Variants in CAMKMT observed in about 807,000 individuals in gnomAD.
The protein encoded by CAMKMT is calmodulin-lysine N-methyltransferase.
A neutral mutation model predicts 48.0 loss-of-function variants in CAMKMT; 53 were observed. The observed-to-expected ratio is 1.10, with a 90% CI of 0.89 to 1.39. The LOEUF (loss-of-function observed/expected upper bound fraction) is 1.39. Among genes scored for constraint, CAMKMT ranks in the 40% most tolerant of loss-of-function variants. The pLI is 0.00. For synonymous variants in CAMKMT, 165 were observed against 152.3 expected (o/e 1.08, Z -0.61); for missense variants, 428 against 402.7 (o/e 1.06, Z -0.54).
rs749093011 is a variant in CAMKMT at position 44,372,723 on chromosome 2, A to G, written c.146A>G (p.Lys49Arg). The G allele has an allele frequency of 6.2e-7, 1 of 1,612,084 alleles. No homozygotes were observed. The highest frequency in any genetic ancestry group is 8.5e-7 in the Non-Finnish European group (1 of 1,179,308). Residue 49 changes from lysine to arginine, a missense_variant, in exon 2 of 11, where the codon AAG becomes AGG. Coordinates refer to ENST00000378494, the MANE Select transcript of CAMKMT (RefSeq NM_024766.5). ...ARWKLLRQVL[K>R]QKHLDDCLRH... ...TTTGGCTTTATTTCAAAGGTTCTGAAGCAAAAACACCTGGATGATTGCCTG... is the reference window on the plus strand; with the variant it reads ...TTTGGCTTTATTTCAAAGGTTCTGAGGCAAAAACACCTGGATGATTGCCTG...
intron 1 of CAMKMT, among the ~76,000 whole-genome samples, chr2:44,369,393 G>A (rs980649651): frequency 6.6e-6 from 1 of 152,016 alleles, no homozygotes; most frequent in East Asian, 1.9e-4. Context: ...CTACACATAA[G>A]AATTATGCAT....
At chr2:44,574,845 A>G (rs1056337983) in intron 3 of CAMKMT, among the ~76,000 whole-genome samples, 12 of 151,804 alleles carry the variant, frequency 7.9e-5, no homozygotes, top group East Asian at 5.8e-4. Flanking sequence ...GGTTCAAGCA[A>G]TTCTCCTGCC....
rs540758971 is a variant in CAMKMT at position 44,755,666 on chromosome 2, G to A, written c.762+1548G>A. On this transcript the variant is annotated intron_variant, in intron 9 of 10. Transcript: ENST00000378494. ...TACAATAGAAAAGTGCCCAAGCTAT[G>A]AATAGACCTAAACGCAGATTAGACT... is the stretch of plus-strand genomic sequence containing the variant. Among the ~76,000 whole-genome samples, 3 of 152,260 alleles carry A rather than the reference G, an allele frequency of 2.0e-5. No individual in the cohort carries two copies. The South Asian group carries it at 6.2e-4, about 32-fold the overall frequency.
intron 3 of CAMKMT, among the ~76,000 whole-genome samples, chr2:44,668,886 A>G (rs926689204): frequency 1.3e-5 from 2 of 151,912 alleles, no homozygotes; most frequent in Admixed American, 1.3e-4. Flanking sequence ...GGTTGAAGCA[A>G]TTCTTATGCC....
At chr2:44,734,085 T>C (rs1213495182) in intron 7 of CAMKMT, among the ~76,000 whole-genome samples, 1 of 152,066 alleles carries the variant, frequency 6.6e-6, no homozygotes, top group East Asian at 1.9e-4. Context: ...CTAATCTTTA[T>C]TACTTCTTTT....
chr2:44,563,630 C>A (rs919518719), intron 3 of CAMKMT, among the ~76,000 whole-genome samples: 3 of 152,130 alleles, frequency 2.0e-5, no homozygotes, highest in Admixed American at 6.5e-5. Context: ...CCCTTCCCCC[C>A]ACCCCATGAC....
intron 3 of CAMKMT, among the ~76,000 whole-genome samples, chr2:44,664,640 A>G (rs1377802858): frequency 6.6e-6 from 1 of 152,272 alleles, no homozygotes; most frequent in Non-Finnish European, 1.5e-5. Context: ...AAACAAATAC[A>G]TAAATTAAGC....
intron 3 of CAMKMT, among the ~76,000 whole-genome samples, chr2:44,442,240 A>G (rs1481681813): frequency 6.6e-6 from 1 of 152,172 alleles, no homozygotes; most frequent in African/African-American, 2.4e-5. Context: ...TTGCAAACCC[A>G]TCTGTGGCTC....
At chr2:44,691,024 G>A (rs1025520216) in intron 3 of CAMKMT, among the ~76,000 whole-genome samples, 4 of 152,042 alleles carry the variant, frequency 2.6e-5, no homozygotes, top group African/African-American at 9.7e-5. Flanking sequence ...CACTAACTGA[G>A]CACTTACTAG....
At chr2:44,739,396 T>C (rs1679540770) in intron 7 of CAMKMT, among the ~76,000 whole-genome samples, 1 of 152,208 alleles carries the variant, frequency 6.6e-6, no homozygotes, top group Non-Finnish European at 1.5e-5. Context: ...GTCAAAGATA[T>C]ATTCAAGGTC....
chr2:44,679,314 T>C (rs1487498671), intron 3 of CAMKMT, among the ~76,000 whole-genome samples: 1 of 152,256 alleles, frequency 6.6e-6, no homozygotes, highest in East Asian at 1.9e-4. Context: ...TATTTGATAT[T>C]GGACTGCAGC....
chr2:44,385,010 G>T (rs367665618), intron 2 of CAMKMT, among the ~76,000 whole-genome samples: 3 of 151,862 alleles, frequency 2.0e-5, no homozygotes, highest in Admixed American at 6.6e-5. Flanking sequence ...TTTCTAATTC[G>T]GTGAAGAATG....
intron 3 of CAMKMT, among the ~76,000 whole-genome samples, chr2:44,654,870 A>G (rs888650623): frequency 2.6e-5 from 4 of 152,214 alleles, no homozygotes; most frequent in Non-Finnish European, 5.9e-5. Flanking sequence ...CTCAGTGTCA[A>G]TAAATATTTC....
At chr2:44,573,406 T>C (rs544663556) in intron 3 of CAMKMT, among the ~76,000 whole-genome samples, 1 of 152,194 alleles carries the variant, frequency 6.6e-6, no homozygotes, top group South Asian at 2.1e-4. Context: ...TTTTTTAGTG[T>C]ATATTATCTT....
intron 3 of CAMKMT, chr2:44,631,787 T>G: frequency 2.9e-6 from 1 of 347,680 alleles, no homozygotes. Flanking sequence ...TTTTTACCTC[T>G]TTCCTGTCTT....
At chr2:44,530,593 G>A (rs1666430612) in intron 3 of CAMKMT, among the ~76,000 whole-genome samples, 1 of 151,994 alleles carries the variant, frequency 6.6e-6, no homozygotes, top group Admixed American at 6.6e-5. Context: ...TCCCAATCGG[G>A]TACTTTTAAG....
chr2:44,515,881 C>T (rs998802565), intron 3 of CAMKMT, among the ~76,000 whole-genome samples: 2 of 152,148 alleles, frequency 1.3e-5, no homozygotes, highest in Admixed American at 6.5e-5. Context: ...TAGTCTAAGA[C>T]ATTGCTGGGA....
At chr2:44,716,693 G>T (rs544476968) in intron 7 of CAMKMT, among the ~76,000 whole-genome samples, 2 of 152,274 alleles carry the variant, frequency 1.3e-5, no homozygotes, top group African/African-American at 4.8e-5. Flanking sequence ...AGTGCAGACG[G>T]CCTTACCCTT....
At chr2:44,682,654 A>C (rs1676088814) in intron 3 of CAMKMT, among the ~76,000 whole-genome samples, 1 of 152,210 alleles carries the variant, frequency 6.6e-6, no homozygotes. Flanking sequence ...CAGACGACCG[A>C]GCTATCACAG....
Sources: gnomAD v4.1 joint callset for allele counts (sites outside exome capture counted in the v4.1 genomes callset) on GRCh38, gnomAD v4.1.1 for gene constraint, MANE v1.5 for transcripts, NCBI Gene and HGNC (gene_info 2026-07-23, HGNC 2026-07-21) for gene names.